The following PDE4D variants were observed in gnomAD, a reference collection of about 807,000 sequenced individuals.
PDE4D encodes the protein 3',5'-cyclic-AMP phosphodiesterase 4D.
A neutral mutation model predicts 87.4 loss-of-function variants in PDE4D; 24 were observed. The observed-to-expected ratio is 0.27, with a 90% confidence interval of 0.20 to 0.39. PDE4D has a LOEUF of 0.39. PDE4D is among the 10% of genes least tolerant of loss of function. The pLI, the probability that PDE4D is intolerant of heterozygous loss-of-function variation, is 1.00. For synonymous variants in PDE4D, 384 were observed against 383.2 expected, an observed-to-expected ratio of 1.00 and a Z score of -0.02; for missense variants, 714 against 1,041.0, an observed-to-expected ratio of 0.69 and a Z score of 4.32.
At chr5:59,494,105 T>G (rs1056253129) in intron 1 of PDE4D, among the ~76,000 whole-genome samples, 1 of 152,340 alleles carries the variant, frequency 6.6e-6, no homozygotes, top group Admixed American at 6.5e-5. Context: ...TGCTGTGATA[T>G]CAAAAATACA....
At chr5:59,762,862 T>G (rs1762316670) in intron 1 of PDE4D, among the ~76,000 whole-genome samples, 1 of 122,648 alleles carries the variant, frequency 8.2e-6, no homozygotes, top group African/African-American at 3.1e-5. Context: ...AGGATATATA[T>G]ATATATATAT....
At chr5:59,686,199 G>A (rs1230935506) in intron 1 of PDE4D, among the ~76,000 whole-genome samples, 3 of 152,076 alleles carry the variant, frequency 2.0e-5, no homozygotes, top group African/African-American at 7.2e-5. Context: ...CAAGAACTAT[G>A]ATTTAATAAC....
intron 1 of PDE4D, among the ~76,000 whole-genome samples, chr5:59,791,112 C>A (rs1421451999): frequency 1.3e-5 from 2 of 152,326 alleles, no homozygotes; most frequent in East Asian, 3.9e-4. Context: ...TCTGCCATGG[C>A]ATTTTATATT....
intron 5 of PDE4D, among the ~76,000 whole-genome samples, chr5:59,062,121 CAGA>C (rs1763220127): frequency 6.6e-6 from 1 of 152,066 alleles, no homozygotes; most frequent in Admixed American, 6.6e-5. Flanking sequence ...ATCGGCTGAT[CAGA>C]AGAAGAAAAA....
chr5:59,183,263 T>C (rs1481771101), intron 4 of PDE4D, among the ~76,000 whole-genome samples: 1 of 152,208 alleles, frequency 6.6e-6, no homozygotes, highest in African/African-American at 2.4e-5. Flanking sequence ...GTCTGCCAGA[T>C]AATACTGTTT....
chr5:59,020,547 T>C (rs1171987087), intron 6 of PDE4D, among the ~76,000 whole-genome samples: 1 of 152,158 alleles, frequency 6.6e-6, no homozygotes, highest in South Asian at 2.1e-4. Context: ...ACCAGAAAGT[T>C]TGTATTTGCT....
At chr5:59,855,932 C>CT in intron 1 of PDE4D, among the ~76,000 whole-genome samples, 1 of 152,156 alleles carries the variant, frequency 6.6e-6, no homozygotes, top group Non-Finnish European at 1.5e-5. Flanking sequence ...TGCAGGCAAT[C>CT]TTTTTTTCTG....
intron 2 of PDE4D, among the ~76,000 whole-genome samples, chr5:60,099,393 T>G (rs931404690): frequency 6.6e-6 from 1 of 151,980 alleles, no homozygotes; most frequent in Non-Finnish European, 1.5e-5. Flanking sequence ...GAATATAAAA[T>G]ATATTGACAT....
intron 2 of PDE4D, among the ~76,000 whole-genome samples, chr5:60,149,197 T>C (rs959863007): frequency 1.3e-5 from 2 of 152,188 alleles, no homozygotes; most frequent in African/African-American, 4.8e-5. Flanking sequence ...CAGAATACTA[T>C]AGGTTGAGTA....
intron 1 of PDE4D, among the ~76,000 whole-genome samples, chr5:59,434,548 G>T (rs899005182): frequency 6.6e-6 from 1 of 151,940 alleles, no homozygotes; most frequent in Admixed American, 6.6e-5. Flanking sequence ...CAATGAATTG[G>T]CTTTAAATAT....
At chr5:59,822,233 G>C (rs1175958955) in intron 1 of PDE4D, among the ~76,000 whole-genome samples, 4 of 152,166 alleles carry the variant, frequency 2.6e-5, no homozygotes, top group African/African-American at 9.7e-5. Flanking sequence ...AAGAATTAGA[G>C]ATAGGGAAAC....
chr5:59,010,273 G>A (rs1752509692), intron 6 of PDE4D, among the ~76,000 whole-genome samples: 1 of 152,154 alleles, frequency 6.6e-6, no homozygotes, highest in Admixed American at 6.5e-5. Flanking sequence ...GTTGCAGTGA[G>A]CTGAGATCGC....
chr5:59,838,442 AGGTC>A (rs1274510084), intron 1 of PDE4D, among the ~76,000 whole-genome samples: 6 of 152,094 alleles, frequency 3.9e-5, no homozygotes, highest in Non-Finnish European at 7.4e-5. Context: ...CCCTAAACCA[AGGTC>A]ATCACTGACA....
At chr5:59,127,204 G>A (rs796083158) in intron 5 of PDE4D, among the ~76,000 whole-genome samples, 3 of 152,178 alleles carry the variant, frequency 2.0e-5, no homozygotes, top group East Asian at 3.8e-4. Context: ...GAGGGATGGG[G>A]GAAGAGTGAT....
Position 59,363,164 on chromosome 5 carries a change from T to C in PDE4D, c.456-147196A>G, listed in dbSNP as rs1294871331. ...GACCTTGCTGAGTTATAATGTCTTATCCATTTGGTTCTCATTTGAGAGAGA... is the reference window on the plus strand; with the variant it reads ...GACCTTGCTGAGTTATAATGTCTTACCCATTTGGTTCTCATTTGAGAGAGA... On this transcript the variant is annotated intron_variant, in intron 1 of 14. Coordinates refer to ENST00000340635, the MANE Select transcript of PDE4D (RefSeq NM_001104631.2). Among the ~76,000 whole-genome samples, 6 of 152,210 alleles carry C rather than the reference T, an allele frequency of 3.9e-5. No individual in the cohort carries two copies. The East Asian group carries it at 1.2e-3, about 29-fold the overall frequency.
At chr5:59,605,463 T>C (rs1828071516) in intron 1 of PDE4D, among the ~76,000 whole-genome samples, 1 of 152,102 alleles carries the variant, frequency 6.6e-6, no homozygotes, top group Non-Finnish European at 1.5e-5. Flanking sequence ...TCTTTTATTC[T>C]CCAACCCTGC....
intron 1 of PDE4D, among the ~76,000 whole-genome samples, chr5:60,271,384 C>T (rs1201105012): frequency 6.6e-6 from 1 of 152,136 alleles, no homozygotes; most frequent in Non-Finnish European, 1.5e-5. Context: ...TACATGAGAT[C>T]AAGCCCATAG....
intron 1 of PDE4D, among the ~76,000 whole-genome samples, chr5:59,868,129 T>G (rs890342248): frequency 6.6e-6 from 1 of 152,158 alleles, no homozygotes; most frequent in African/African-American, 2.4e-5. Flanking sequence ...CTCAAATATC[T>G]GGGTATCAGA....
At chr5:59,637,681 C>T (rs528328630) in intron 1 of PDE4D, among the ~76,000 whole-genome samples, 17 of 151,840 alleles carry the variant, frequency 1.1e-4, no homozygotes, top group Non-Finnish European at 1.0e-4. Context: ...TGTTCTCACT[C>T]ATAAGTGGGA....
Sources: gnomAD v4.1 joint callset for allele counts (sites outside exome capture counted in the v4.1 genomes callset) on GRCh38, gnomAD v4.1.1 for gene constraint, MANE v1.5 for transcripts, NCBI Gene and HGNC (gene_info 2026-07-23, HGNC 2026-07-21) for gene names.